Variants in CAP2 observed in about 807,000 individuals in gnomAD.
CAP2 encodes the protein adenylyl cyclase-associated protein 2.
CAP2 carries 24 observed loss-of-function variants against 57.7 expected under a neutral mutation model. The ratio of observed to expected loss-of-function variants is 0.42; its 90% CI spans 0.30 to 0.58. CAP2 has a LOEUF of 0.58. Ranked by LOEUF, CAP2 falls within the 20% of genes least tolerant of loss-of-function variation. The probability of loss-of-function intolerance (pLI) is 0.22; values close to 1 mark genes in which losing one functional copy is unlikely to be tolerated. For missense variants in CAP2, 501 were observed against 590.3 expected (o/e 0.85, Z 1.57); for synonymous variants, 194 against 207.2 (o/e 0.94, Z 0.55).
chr6:17,551,534 C>A lies in CAP2; in HGVS notation c.1280C>A (p.Ala427Glu). ...TGCCACATATACCTCAGTGAAGATG[C>A]ATTAGACTGTGAGATCGTGAGCGCC... Reference protein sequence around the residue: ...EGCHIYLSEDALDCEIVSAKS... With the variant: ...EGCHIYLSEDELDCEIVSAKS... Residue 427 changes from alanine (A) to glutamate (E), a missense_variant, in exon 12 of 13, where the codon GCA becomes GAA. Ala to Glu is a moderately radical substitution (Grantham distance 107). Transcript: ENST00000229922. 6.2e-7 allele frequency: 1 copy of A among 1,609,618 alleles called. No homozygotes were observed. The highest frequency in any genetic ancestry group is 8.5e-7 in the Non-Finnish European group (1 of 1,176,104).
At chr6:17,556,157 C>T (rs904565070) in intron 12 of CAP2, among the ~76,000 whole-genome samples, 1 of 152,162 alleles carries the variant, frequency 6.6e-6, no homozygotes, top group Admixed American at 6.5e-5. Context: ...ATGATACTGG[C>T]TTGAAGTCAC....
intron 1 of CAP2, among the ~76,000 whole-genome samples, chr6:17,420,814 A>G (rs1759419359): frequency 6.6e-6 from 1 of 152,244 alleles, no homozygotes; most frequent in African/African-American, 2.4e-5. Context: ...CACTAATGGA[A>G]TAGAAAATAA....
Position 17,534,481 on chromosome 6 carries a change from T to C in CAP2, c.637-4788T>C, listed in dbSNP as rs369339505. On this transcript the variant is annotated intron_variant, in intron 7 of 12. Coordinates refer to ENST00000229922, the MANE Select transcript of CAP2 (RefSeq NM_006366.3). ...CATCTCAGTCAGGTTCCTGGGCAGG[T>C]ACTGTTAGTTCAGAGGCTCTTCCTA... Among the ~76,000 whole-genome samples, 6 of 152,316 alleles carry C rather than the reference T, an allele frequency of 3.9e-5. No homozygotes were observed. The South Asian group carries it at 6.2e-4, about 16-fold the overall frequency.
chr6:17,413,791 C>T (rs772685716), intron 1 of CAP2, among the ~76,000 whole-genome samples: 11 of 152,204 alleles, frequency 7.2e-5, no homozygotes, highest in Admixed American at 2.0e-4. Flanking sequence ...CAGTGGCTCA[C>T]GTCTGTAATC....
chr6:17,455,453 AG>A (rs1760534758), intron 3 of CAP2, among the ~76,000 whole-genome samples: 1 of 152,120 alleles, frequency 6.6e-6, no homozygotes, highest in Non-Finnish European at 1.5e-5. Flanking sequence ...CCCAAATCAA[AG>A]GGCAGATCAC....
At chr6:17,543,282 G>T in intron 11 of CAP2, 139 bp downstream of exon 11, 1 of 703,468 alleles carries the variant, frequency 1.4e-6, no homozygotes, top group African/African-American at 1.8e-5. Flanking sequence ...CAACCACACT[G>T]TAAGCTGCGG....
intron 7 of CAP2, among the ~76,000 whole-genome samples, chr6:17,518,367 G>T (rs1371318310): frequency 6.6e-6 from 1 of 152,068 alleles, no homozygotes; most frequent in Non-Finnish European, 1.5e-5. Context: ...TCTGACTGTG[G>T]CCTGTCGACA....
At chr6:17,409,938 C>A (rs2113515810) in intron 1 of CAP2, among the ~76,000 whole-genome samples, 1 of 152,296 alleles carries the variant, frequency 6.6e-6, no homozygotes, top group African/African-American at 2.4e-5. Context: ...CCCTGACTAC[C>A]ACCCCTTCTA....
At chr6:17,517,087 T>C (rs548895242) in intron 7 of CAP2, among the ~76,000 whole-genome samples, 2 of 152,346 alleles carry the variant, frequency 1.3e-5, no homozygotes, top group South Asian at 2.1e-4. Context: ...TCCAATGAGA[T>C]AGTGTTTTGT....
intron 7 of CAP2, among the ~76,000 whole-genome samples, chr6:17,522,858 G>T (rs566443670): frequency 2.0e-5 from 3 of 152,196 alleles, no homozygotes; most frequent in Admixed American, 2.0e-4. Context: ...GCAGTGGCAC[G>T]ATCTCGGCTC....
chr6:17,493,563 G>A (rs777147697), intron 4 of CAP2: 1 of 193,844 alleles, frequency 5.2e-6, no homozygotes, highest in Non-Finnish European at 1.1e-5. Context: ...CTCACCCCTG[G>A]CTGATTGAGG....
chr6:17,554,668 G>A (rs1984515), intron 12 of CAP2, among the ~76,000 whole-genome samples: 54,059 of 152,162 alleles, frequency 0.36, 9,914 homozygotes, highest in Middle Eastern at 0.56. Flanking sequence ...CACAGCTCAT[G>A]ATCATGGGCA....
At chr6:17,461,150 A>G (rs980415134) in intron 3 of CAP2, among the ~76,000 whole-genome samples, 1 of 151,930 alleles carries the variant, frequency 6.6e-6, no homozygotes, top group Admixed American at 6.5e-5. Flanking sequence ...CCATGTCTCT[A>G]AAACAAACAG....
chr6:17,501,153 G>A (rs1761812423), intron 4 of CAP2, among the ~76,000 whole-genome samples: 2 of 152,156 alleles, frequency 1.3e-5, no homozygotes, highest in South Asian at 4.1e-4. Flanking sequence ...TTTTATTTGT[G>A]TGCTTGTTTG....
At chr6:17,412,131 G>A (rs1322538373) in intron 1 of CAP2, among the ~76,000 whole-genome samples, 2 of 152,034 alleles carry the variant, frequency 1.3e-5, no homozygotes, top group East Asian at 1.9e-4. Context: ...GCCAGGATTC[G>A]AGATGTACTT....
rs941873593 is a variant in CAP2 at position 17,553,589 on chromosome 6, C to T, written c.1350+1985C>T. ...CAGAGGTTGCAGTGAGCTGAGATCA[C>T]GCCACTGCACTCCAGCCTGGGCAAC... On this transcript the variant is annotated intron_variant, in intron 12 of 12. Transcript: ENST00000229922. 2.5e-4 allele frequency among the ~76,000 whole-genome samples: 38 copies of T among 150,810 alleles called. No individual in the cohort carries two copies. In the East Asian group the frequency reaches 3.7e-3, roughly 15 times the overall value.
chr6:17,542,320 G>C (rs1298168809), intron 9 of CAP2, among the ~76,000 whole-genome samples: 3 of 152,116 alleles, frequency 2.0e-5, no homozygotes, highest in African/African-American at 7.2e-5. Context: ...CCCACTGCCC[G>C]GGCTAAGTGT....
At chr6:17,426,547 T>A in intron 2 of CAP2, 43 bp from the exon 3 acceptor site, 1 of 1,463,498 alleles carries the variant, frequency 6.8e-7, no homozygotes, top group Non-Finnish European at 9.6e-7. Context: ...TCCCAGGTTT[T>A]CATTCAACGG....
intron 7 of CAP2, among the ~76,000 whole-genome samples, chr6:17,521,748 G>A (rs1762397977): frequency 6.6e-6 from 1 of 152,170 alleles, no homozygotes; most frequent in African/African-American, 2.4e-5. Flanking sequence ...CCACGTGGAA[G>A]ATACGGCCCA....
Sources: gnomAD v4.1 joint callset for allele counts (sites outside exome capture counted in the v4.1 genomes callset) on GRCh38, gnomAD v4.1.1 for gene constraint, MANE v1.5 for transcripts, NCBI Gene and HGNC (gene_info 2026-07-23, HGNC 2026-07-21) for gene names.